Variants in VWC2 observed in about 807,000 individuals in gnomAD.
VWC2 encodes von Willebrand factor C domain containing 2.
Under a neutral mutation model 29.8 loss-of-function variants are expected in VWC2, and 14 were observed. The observed-to-expected ratio is 0.47, with a 90% CI of 0.31 to 0.74. VWC2 has a LOEUF of 0.74. Among genes scored for constraint, VWC2 ranks in the 30% least tolerant of loss-of-function variants. The probability of loss-of-function intolerance (pLI) is 0.05; values close to 1 mark genes in which losing one functional copy is unlikely to be tolerated. For missense variants in VWC2, 457 were observed against 459.8 expected (o/e 0.99, Z 0.05); for synonymous variants, 213 against 199.0 (o/e 1.07, Z -0.59).
chr7:49,830,473 A>G (rs556306842), intron 3 of VWC2, among the ~76,000 whole-genome samples: 1 of 152,070 alleles, frequency 6.6e-6, no homozygotes, highest in African/African-American at 2.4e-5. Flanking sequence ...TCTGATGGTA[A>G]TTTTCCTGGG....
chr7:49,876,737 T>C (rs1333107751), intron 3 of VWC2, among the ~76,000 whole-genome samples: 1 of 152,170 alleles, frequency 6.6e-6, no homozygotes, highest in Admixed American at 6.5e-5. Flanking sequence ...ATTCAATCAT[T>C]ACCTGTCAAC....
At chr7:49,802,342 A>G (rs1003177656) in intron 2 of VWC2, among the ~76,000 whole-genome samples, 2 of 152,166 alleles carry the variant, frequency 1.3e-5, no homozygotes, top group African/African-American at 4.8e-5. Flanking sequence ...AAGTTTAGGG[A>G]AAGAAAAGTA....
rs149606425 is a variant in VWC2, at chr7:49,881,107, CAG to C, written c.827-30926_827-30925del. On this transcript the variant is annotated intron_variant, in intron 3 of 3. Coordinates refer to ENST00000340652, the MANE Select transcript of VWC2 (RefSeq NM_198570.5). ...CCTCCATTCCTGGCCTCAGTTCTCT[CAG>C]CCTGAGAGGCCAGGTTTGCGTTTGA... Among the ~76,000 whole-genome samples, 559 of 152,282 alleles carry C rather than the reference CAG, an allele frequency of 3.7e-3. 6 individuals carry two copies. The highest frequency in any genetic ancestry group is 6.2e-3 in the Non-Finnish European group (423 of 68,012).
intron 3 of VWC2, among the ~76,000 whole-genome samples, chr7:49,870,919 C>T (rs1035417693): frequency 4.6e-5 from 7 of 152,128 alleles, no homozygotes; most frequent in East Asian, 1.9e-4. Flanking sequence ...AAAATGACTA[C>T]GGAACTGCTC....
intron 3 of VWC2, among the ~76,000 whole-genome samples, chr7:49,893,537 A>G (rs1562757160): frequency 6.6e-6 from 1 of 152,224 alleles, no homozygotes; most frequent in Admixed American, 6.5e-5. Flanking sequence ...CCTTACTAGG[A>G]AAACACACAT....
chr7:49,896,627 CAATT>C (rs1792395733), intron 3 of VWC2, among the ~76,000 whole-genome samples: 1 of 151,600 alleles, frequency 6.6e-6, no homozygotes, highest in South Asian at 2.1e-4. Context: ...AAAAGATCAA[CAATT>C]AAACACATAG....
chr7:49,912,187 C>A lies in VWC2; in HGVS notation c.*2C>A. 6.2e-7 allele frequency: 1 copy of A among 1,613,202 alleles called. No individual in the cohort carries two copies. Among genetic ancestry groups the A allele is most frequent in the Middle Eastern group, 1.7e-4 (1 of 6,054 alleles). On this transcript the variant is annotated 3_prime_UTR_variant, in exon 4 of 4. Transcript: ENST00000340652. ...AGACATGAATGCAGGCAAATGTAGA[C>A]GCTTCCCAGAACACAAACTCTGACT...
At chr7:49,898,451 A>C (rs943420385) in intron 3 of VWC2, among the ~76,000 whole-genome samples, 8 of 152,062 alleles carry the variant, frequency 5.3e-5, no homozygotes, top group African/African-American at 1.2e-4. Flanking sequence ...TGGTCTACTA[A>C]CCACAAATCC....
At chr7:49,840,539 G>A (rs1366739982) in intron 3 of VWC2, among the ~76,000 whole-genome samples, 1 of 152,132 alleles carries the variant, frequency 6.6e-6, no homozygotes, top group African/African-American at 2.4e-5. Flanking sequence ...GGGAGGGGGT[G>A]ACTATGGATC....
At chr7:49,880,620 C>T (rs1791621562) in intron 3 of VWC2, among the ~76,000 whole-genome samples, 1 of 150,564 alleles carries the variant, frequency 6.6e-6, no homozygotes. Context: ...ACTTTAAGTT[C>T]TAGGGTACAT....
chr7:49,798,040 G>T (rs190063800), intron 2 of VWC2, among the ~76,000 whole-genome samples: 1 of 152,354 alleles, frequency 6.6e-6, no homozygotes, highest in Admixed American at 6.5e-5. Flanking sequence ...GAGGAGAAAA[G>T]TTTGTGTCAT....
intron 3 of VWC2, among the ~76,000 whole-genome samples, chr7:49,909,646 G>C (rs1343639071): frequency 6.6e-6 from 1 of 152,158 alleles, no homozygotes; most frequent in African/African-American, 2.4e-5. Flanking sequence ...AGGTAATGCA[G>C]ATACTGGCCC....
At chr7:49,912,008 G>A (rs1267886290) in intron 3 of VWC2, 26 bp from the exon 4 acceptor site, 4 of 1,600,864 alleles carry the variant, frequency 2.5e-6, no homozygotes, top group Non-Finnish European at 3.4e-6. Context: ...CACACATATA[G>A]TATAAAACAT....
At chr7:49,903,923 G>T (rs1410884443) in intron 3 of VWC2, among the ~76,000 whole-genome samples, 1 of 152,134 alleles carries the variant, frequency 6.6e-6, no homozygotes, top group Non-Finnish European at 1.5e-5. Context: ...GCCTTGAGGA[G>T]GCAATGTCTG....
chr7:49,876,140 T>C (rs1464060552), intron 3 of VWC2, among the ~76,000 whole-genome samples: 1 of 152,104 alleles, frequency 6.6e-6, no homozygotes, highest in Admixed American at 6.6e-5. Flanking sequence ...GACCAGGAAT[T>C]ATATGGAAGG....
chr7:49,890,239 G>T (rs1792071934), intron 3 of VWC2, among the ~76,000 whole-genome samples: 1 of 152,162 alleles, frequency 6.6e-6, no homozygotes, highest in Admixed American at 6.5e-5. Flanking sequence ...CCCAGGTCAA[G>T]CGTATTTGAT....
At chr7:49,845,754 C>T (rs1249701644) in intron 3 of VWC2, among the ~76,000 whole-genome samples, 2 of 152,198 alleles carry the variant, frequency 1.3e-5, no homozygotes, top group Non-Finnish European at 1.5e-5. Context: ...ACAAAACAGA[C>T]ATCAGAATGA....
chr7:49,849,937 A>T (rs1214303992), intron 3 of VWC2, among the ~76,000 whole-genome samples: 1 of 152,220 alleles, frequency 6.6e-6, no homozygotes, highest in Admixed American at 6.5e-5. Flanking sequence ...GTGCAATAGT[A>T]CAGCATGGTG....
At chr7:49,818,078 C>G (rs1399762819) in intron 3 of VWC2, among the ~76,000 whole-genome samples, 2 of 152,238 alleles carry the variant, frequency 1.3e-5, no homozygotes, top group Admixed American at 6.5e-5. Flanking sequence ...AGACAGCCAC[C>G]AAATGCTGAG....
Sources: gnomAD v4.1 joint callset for allele counts (sites outside exome capture counted in the v4.1 genomes callset) on GRCh38, gnomAD v4.1.1 for gene constraint, MANE v1.5 for transcripts, NCBI Gene and HGNC (gene_info 2026-07-23, HGNC 2026-07-21) for gene names.